Variants in MIDEAS observed in about 807,000 individuals in gnomAD.
The protein encoded by MIDEAS is mitotic deacetylase-associated SANT domain protein.
A neutral mutation model predicts 102.7 loss-of-function variants in MIDEAS; 26 were observed. The ratio of observed to expected loss-of-function variants is 0.25; its 90% CI spans 0.19 to 0.35. The LOEUF (loss-of-function observed/expected upper bound fraction) is 0.35. Among genes scored for constraint, MIDEAS ranks in the 10% least tolerant of loss-of-function variants. The pLI, the probability that MIDEAS is intolerant of heterozygous loss-of-function variation, is 1.00. For missense variants in MIDEAS, 1,231 were observed against 1,435.6 expected, an observed-to-expected ratio of 0.86 and a Z score of 2.30; for synonymous variants, 585 against 591.0, an observed-to-expected ratio of 0.99 and a Z score of 0.15.
At chr14:73,779,575 T>TATA in intron 1 of MIDEAS, among the ~76,000 whole-genome samples, 1 of 135,640 alleles carries the variant, frequency 7.4e-6, no homozygotes, top group South Asian at 2.4e-4. Context: ...TTATTATTAT[T>TATA]TTTTTTTTTT....
At chr14:73,755,962 T>TA (rs1459889410) in intron 1 of MIDEAS, among the ~76,000 whole-genome samples, 1 of 152,114 alleles carries the variant, frequency 6.6e-6, no homozygotes, top group Non-Finnish European at 1.5e-5. Context: ...GCCTATGAAG[T>TA]ACTAGTATCA....
At chr14:73,779,228 A>T (rs1479934108) in intron 1 of MIDEAS, among the ~76,000 whole-genome samples, 1 of 151,538 alleles carries the variant, frequency 6.6e-6, no homozygotes, top group Non-Finnish European at 1.5e-5. Flanking sequence ...GTCTACTAAA[A>T]ATAAAACAAT....
Position 73,718,914 on chromosome 14 carries a change from C to A in MIDEAS, c.3229G>T (p.Ala1077Ser). 1 of 1,524,102 alleles carries A rather than the reference C, an allele frequency of 6.6e-7. No homozygotes were observed. Among genetic ancestry groups the A allele is most frequent in the South Asian group, 1.2e-5 (1 of 82,884 alleles). 94.4% of individuals were successfully genotyped at this position (1,524,102 alleles called of 1,614,324 possible). A position where few individuals can be genotyped will look rare whatever the true frequency, so the allele number is the denominator to read the frequency against. The stretch of plus-strand genomic sequence containing the variant: ...TGGGCGGCGGCGGCGGCAGCAGCGG[C>A]CTCTTTCTCCTTCAGCCTCAGCGCT... ...AAALRLKEKE[A>S]AAAAAAAHQQ... Residue 1077 changes from alanine (A) to serine (S), a missense_variant, in exon 13 of 13, where the codon GCC (alanine) becomes TCC (serine). This residue lies in a region of MIDEAS where 71 missense variants were observed against 51.9 expected (regional missense o/e 1.37). Transcript: ENST00000423556.
chr14:73,784,900 T>TA (rs1340861388), intron 1 of MIDEAS, among the ~76,000 whole-genome samples: 5 of 152,210 alleles, frequency 3.3e-5, no homozygotes, highest in African/African-American at 1.2e-4. Context: ...GACTGTGCCC[T>TA]AATCTTTTGG....
intron 6 of MIDEAS, 58 bp from the exon 7 acceptor site, chr14:73,726,765 G>A: frequency 6.2e-7 from 1 of 1,611,284 alleles, no homozygotes; most frequent in Admixed American, 1.7e-5. Context: ...GGCGGGGCTG[G>A]GCAGGGTGAG....
chr14:73,755,132 G>A (rs981488793), intron 1 of MIDEAS: 2 of 152,248 alleles, frequency 1.3e-5, no homozygotes, highest in Non-Finnish European at 2.9e-5. Context: ...CTGCGGCTGG[G>A]AGAAAGGCAG....
intron 1 of MIDEAS, among the ~76,000 whole-genome samples, chr14:73,747,397 A>T: frequency 6.6e-6 from 1 of 152,140 alleles, no homozygotes; most frequent in Admixed American, 6.5e-5. Flanking sequence ...CTTTGTAAAA[A>T]GCAAGTGCCA....
Position 73,718,806 on chromosome 14 carries a change from G to T in MIDEAS, c.*37C>A. 1.5e-6 allele frequency: 2 copies of T among 1,376,258 alleles called. No individual in the cohort carries two copies. The highest frequency in any genetic ancestry group is 1.9e-6 in the Non-Finnish European group (2 of 1,072,106). 85.3% of individuals were successfully genotyped at this position (1,376,258 alleles called of 1,614,324 possible). On this transcript the variant is annotated 3_prime_UTR_variant, in exon 13 of 13. Coordinates refer to ENST00000423556, the MANE Select transcript of MIDEAS (RefSeq NM_001367710.1). ...GGGCGCTGGCGGCGGTGCGGGAAGG[G>T]CCGAGGCCCAGGACTGGGCCAGCCT...
intron 1 of MIDEAS, among the ~76,000 whole-genome samples, chr14:73,780,936 G>GTT (rs58847225): frequency 0.035 from 5,260 of 150,710 alleles, 135 homozygotes; most frequent in Non-Finnish European, 0.052. Flanking sequence ...AGTTTTTTTT[G>GTT]TTTTTTTGTT....
chr14:73,763,686 C>T (rs962265707), upstream of MIDEAS, among the ~76,000 whole-genome samples: 5 of 152,168 alleles, frequency 3.3e-5, no homozygotes, highest in Non-Finnish European at 7.3e-5. Flanking sequence ...CCCTATGTCC[C>T]TTGTGTTCTT....
chr14:73,743,688 G>C (rs1037396594), intron 1 of MIDEAS, among the ~76,000 whole-genome samples: 27 of 152,266 alleles, frequency 1.8e-4, no homozygotes, highest in South Asian at 4.1e-4. Context: ...TGACCTGTGG[G>C]CCTAGTCCCT....
In MIDEAS at chr14:73,716,788, C is replaced by T. The variant is rs1302064181; in HGVS notation, c.*2055G>A. 3.9e-5 allele frequency: 6 copies of T among 152,046 alleles called. No homozygotes were observed. Among genetic ancestry groups the T allele is most frequent in the Non-Finnish European group, 8.8e-5 (6 of 67,998 alleles). The allele number at this position is 152,046 out of a possible 1,614,324, so 9.4% of individuals were successfully genotyped here. A position where few individuals can be genotyped will look rare whatever the true frequency, so the allele number is the denominator to read the frequency against. On this transcript the variant is annotated 3_prime_UTR_variant, in exon 13 of 13. Coordinates refer to ENST00000423556, the MANE Select transcript of MIDEAS (RefSeq NM_001367710.1). ...ATGGAGGTTTCTGTTACCGTATGCC[C>T]ATAAAGGGGCCTGAAACCAAATATG...
At chr14:73,730,549 C>T (rs1029011703) in intron 3 of MIDEAS, among the ~76,000 whole-genome samples, 2 of 152,196 alleles carry the variant, frequency 1.3e-5, no homozygotes, top group African/African-American at 4.8e-5. Context: ...AAGGAAATCA[C>T]TGAGAACATT....
intron 5 of MIDEAS, 42 bp from the exon 6 acceptor site, chr14:73,727,014 G>T: frequency 6.5e-7 from 1 of 1,550,262 alleles, no homozygotes; most frequent in Non-Finnish European, 8.7e-7. Context: ...CTCACCTTGC[G>T]GGGACGGAGA....
intron 1 of MIDEAS, among the ~76,000 whole-genome samples, chr14:73,750,764 G>A (rs941797874): frequency 3.3e-5 from 5 of 152,186 alleles, no homozygotes; most frequent in Middle Eastern, 3.2e-3. Flanking sequence ...AAATAAACTC[G>A]TCCGAGGACA....
At position 73,751,621 on chromosome 14, in the gene MIDEAS, G is replaced by A. The variant is rs186907840; in HGVS notation, c.-248+8142C>T. 2.6e-3 allele frequency among the ~76,000 whole-genome samples: 399 copies of A among 152,282 alleles called. 6 individuals are homozygous for A. Among genetic ancestry groups the A allele is most frequent in the African/African-American group, 9.2e-3 (383 of 41,564 alleles). On this transcript the variant is annotated intron_variant, in intron 1 of 12. Transcript: ENST00000423556. ...AGCTCTTTAAAAATAAAGCCAGGCC[G>A]GATGCAGCGGCTCCCGTTTGTAATC...
intron 1 of MIDEAS, among the ~76,000 whole-genome samples, chr14:73,748,274 A>T (rs1257776525): frequency 2.6e-5 from 4 of 152,202 alleles, no homozygotes; most frequent in African/African-American, 9.7e-5. Context: ...ATGGACTTTT[A>T]AAAAAATATG....
intron 1 of MIDEAS, among the ~76,000 whole-genome samples, chr14:73,786,849 C>A (rs973595414): frequency 6.6e-6 from 1 of 151,854 alleles, no homozygotes; most frequent in African/African-American, 2.4e-5. Context: ...CTCAGGCCAA[C>A]GGCGCCTGGA....
Position 73,721,384 on chromosome 14 carries a change from T to C in MIDEAS, c.2850A>G (p.Gln950=). 1 of 1,614,076 alleles carries C rather than the reference T, an allele frequency of 6.2e-7. No individual in the cohort carries two copies. The highest frequency in any genetic ancestry group is 8.5e-7 in the Non-Finnish European group (1 of 1,180,004). The stretch of plus-strand genomic sequence containing the variant: ...GCCCCTCTTCCTGCTCCTCCTTCTC[T>C]TGGATCTCTGGCACCTCCTCCTCCC... The part of the protein sequence containing the change: ...KEGEEEVPEI[Q]EKEEQEEGRE... The change falls in exon 11 of 13, where the codon CAA becomes CAG. Residue 950 remains glutamine, a synonymous_variant. Coordinates refer to ENST00000423556, the MANE Select transcript of MIDEAS (RefSeq NM_001367710.1).
Sources: gnomAD v4.1 joint callset for allele counts (sites outside exome capture counted in the v4.1 genomes callset) on GRCh38, gnomAD v4.1.1 for gene constraint, gnomAD v4.1.1 regional missense constraint, MANE v1.5 for transcripts, NCBI Gene and HGNC (gene_info 2026-07-23, HGNC 2026-07-21) for gene names.